The following ALDH2 variants were observed in gnomAD, a reference collection of about 807,000 sequenced individuals.
ALDH2 encodes aldehyde dehydrogenase, mitochondrial.
Under a neutral mutation model 59.6 loss-of-function variants are expected in ALDH2, and 44 were observed. The observed-to-expected ratio is 0.74, with a 90% CI of 0.58 to 0.95. ALDH2 has a LOEUF of 0.95. ALDH2 is among the 40% of genes least tolerant of loss of function. The pLI is 0.00. For missense variants in ALDH2, 570 were observed against 696.3 expected (o/e 0.82, Z 2.04); for synonymous variants, 291 against 284.0 (o/e 1.02, Z -0.25).
Position 111,768,865 on chromosome 12 carries a change from T to A in ALDH2, c.114+1769T>A, listed in dbSNP as rs563018559. ...CAGGTGCGGTGGCACATGCCTGTAG[T>A]CCCAGCTATATGGGAGGCCGAGGTG... On this transcript the variant is annotated intron_variant, in intron 1 of 12. Transcript: ENST00000261733. 1.3e-3 allele frequency among the ~76,000 whole-genome samples: 202 copies of A among 152,298 alleles called. 1 individual carries two copies. Among genetic ancestry groups the A allele is most frequent in the Non-Finnish European group, 1.9e-3 (130 of 68,020 alleles).
rs187939137 is a variant in ALDH2, at chr12:111,800,629, C to T, written c.1406+566C>T. Among the ~76,000 whole-genome samples the T allele has an allele frequency of 3.6e-3, 548 of 152,084 alleles. 13 individuals carry two copies. Among genetic ancestry groups the T allele is most frequent in the Admixed American group, 0.033 (502 of 15,264 alleles). ...TTTATTTTTTGTAGAGATGAGATCTCGCCATGTTGCCCAGGCTGGGCTATA... is the reference window on the plus strand; with the variant it reads ...TTTATTTTTTGTAGAGATGAGATCTTGCCATGTTGCCCAGGCTGGGCTATA... On this transcript the variant is annotated intron_variant, in intron 11 of 12. Transcript: ENST00000261733.
intron 8 of ALDH2, 81 bp downstream of exon 8, chr12:111,792,244 C>T: frequency 9.2e-7 from 1 of 1,086,716 alleles, no homozygotes; most frequent in Non-Finnish European, 1.4e-6. Flanking sequence ...TCCTGTCGCC[C>T]CCCCAGTGCC....
At chr12:111,794,182 G>A (rs372681553) in intron 9 of ALDH2, among the ~76,000 whole-genome samples, 1 of 151,924 alleles carries the variant, frequency 6.6e-6, no homozygotes, top group African/African-American at 2.4e-5. Context: ...ACCATGCCCA[G>A]CTAATTTTTG....
chr12:111,807,875 A>T (rs1333587509), intron 12 of ALDH2, among the ~76,000 whole-genome samples: 10 of 139,268 alleles, frequency 7.2e-5, no homozygotes, highest in Non-Finnish European at 1.1e-4. Context: ...AGGTGGCTCA[A>T]TTTTTTTTTT....
intron 1 of ALDH2, 129 bp downstream of exon 1, chr12:111,767,225 C>T: frequency 1.4e-6 from 1 of 701,202 alleles, no homozygotes; most frequent in South Asian, 2.1e-5. Flanking sequence ...AGAGGCTGAC[C>T]TGGAAGCACA....
chr12:111,790,637 C>T (rs1360741365), intron 6 of ALDH2, 75 bp downstream of exon 6: 3 of 1,586,330 alleles, frequency 1.9e-6, no homozygotes, highest in African/African-American at 1.3e-5. Context: ...TGAGAAGGGT[C>T]TCAGGGGTCC....
At chr12:111,767,244 C>T in intron 1 of ALDH2, 148 bp downstream of exon 1, 2 of 603,010 alleles carry the variant, frequency 3.3e-6, no homozygotes, top group South Asian at 4.5e-5. Context: ...CATCTGCCCC[C>T]TCCTCTCCTG....
rs185872513 is a variant in ALDH2 at position 111,775,681 on chromosome 12, C to A, written c.115-6237C>A. On this transcript the variant is annotated intron_variant, in intron 1 of 12. Transcript: ENST00000261733. The stretch of plus-strand genomic sequence containing the variant: ...AAGAGGAAGTGGGAGCTAGGACATC[C>A]CCCCACCACGCCCCGCCCAAGAGCG... 1.4e-3 allele frequency: 654 copies of A among 455,780 alleles called. 2 individuals carry two copies. The highest frequency in any genetic ancestry group is 1.5e-3 in the Non-Finnish European group (332 of 226,670). 28.2% of individuals were successfully genotyped at this position (455,780 alleles called of 1,614,324 possible).
chr12:111,775,058 C>A (rs1455928569), intron 1 of ALDH2, among the ~76,000 whole-genome samples: 1 of 152,176 alleles, frequency 6.6e-6, no homozygotes, highest in East Asian at 1.9e-4. Context: ...ATGGCCTGAC[C>A]GTGTTGAGGA....
intron 9 of ALDH2, 22 bp downstream of exon 9, chr12:111,792,804 GGTCTGGGT>G: frequency 6.5e-7 from 1 of 1,539,648 alleles, no homozygotes; most frequent in African/African-American, 1.4e-5. Flanking sequence ...AGTGCCGCAG[GGTCTGGGT>G]GTCTAGAGCC....
intron 12 of ALDH2, among the ~76,000 whole-genome samples, chr12:111,804,389 C>T (rs1182578461): frequency 6.6e-6 from 1 of 152,138 alleles, no homozygotes; most frequent in African/African-American, 2.4e-5. Flanking sequence ...GAGGGAGAGA[C>T]TTCAGGGGGC....
chr12:111,785,394 AG>A, intron 4 of ALDH2, 48 bp downstream of exon 4: 1 of 1,526,718 alleles, frequency 6.5e-7, no homozygotes. Context: ...GGAAAAGGGG[AG>A]GCAACGTTGT....
Position 111,788,597 on chromosome 12 carries a change from T to G in ALDH2, c.441-1226T>G, listed in dbSNP as rs181199019. ...TCTGGGGCTTGCAAAACACATGTCA[T>G]GTAGACTGTGTTTGTATAGATCTGG... On this transcript the variant is annotated intron_variant, in intron 4 of 12. Coordinates refer to ENST00000261733, the MANE Select transcript of ALDH2 (RefSeq NM_000690.4). Among the ~76,000 whole-genome samples, 183 of 152,308 alleles carry G rather than the reference T, an allele frequency of 1.2e-3. 3 individuals carry two copies. The highest frequency in any genetic ancestry group is 1.6e-4 in the Non-Finnish European group (11 of 68,022).
rs376601246 is a variant in ALDH2, at chr12:111,806,035, C to T, written c.1521+2062C>T. On this transcript the variant is annotated intron_variant, in intron 12 of 12. Transcript: ENST00000261733. ...AGACTCAAAAAAAAAAAAAACAGGC[C>T]GGGCGCAGTGGCTCACACCTGTAAT... 1.7e-4 allele frequency among the ~76,000 whole-genome samples: 24 copies of T among 144,642 alleles called. No individual in the cohort carries two copies. The East Asian group carries it at 3.5e-3, about 21-fold the overall frequency. The allele number at this position is 144,642 out of a possible 152,430, so 94.9% of individuals were successfully genotyped here.
intron 1 of ALDH2, among the ~76,000 whole-genome samples, chr12:111,772,204 A>T (rs990054733): frequency 8.5e-5 from 13 of 152,242 alleles, no homozygotes; most frequent in Non-Finnish European, 1.8e-4. Context: ...CCCTGCAGAT[A>T]ATCACTGTTA....
rs1207147089 is a variant in ALDH2 at position 111,814,853 on chromosome 12, G to T, written c.*5278G>T. 2 of 146,564 alleles carry T rather than the reference G, an allele frequency of 1.4e-5. No homozygotes were observed. The highest frequency in any genetic ancestry group is 4.3e-4 in the South Asian group (2 of 4,642). The allele number at this position is 146,564 out of a possible 1,614,324, so 9.1% of individuals were successfully genotyped here. On this transcript the variant is annotated 3_prime_UTR_variant, in exon 13 of 13. Transcript: ENST00000261733. ...CTGTCTCAAAAAAAAAAAAAAAAAA[G>T]TAAATGCTATGTTATGTGAATTTCA... is the stretch of plus-strand genomic sequence containing the variant.
intron 1 of ALDH2, 69 bp from the exon 2 acceptor site, chr12:111,781,849 C>A: frequency 5.7e-6 from 6 of 1,056,764 alleles, no homozygotes; most frequent in Non-Finnish European, 8.3e-6. Flanking sequence ...TTTTTTTTTT[C>A]CTTACAATAC....
intron 3 of ALDH2, among the ~76,000 whole-genome samples, chr12:111,783,580 G>A (rs1285001980): frequency 1.3e-5 from 2 of 152,142 alleles, no homozygotes; most frequent in Non-Finnish European, 2.9e-5. Flanking sequence ...CGACATCTCG[G>A]CTCACTGCAA....
At chr12:111,781,139 T>A (rs1003633181) in intron 1 of ALDH2, among the ~76,000 whole-genome samples, 6 of 151,944 alleles carry the variant, frequency 3.9e-5, no homozygotes, top group Non-Finnish European at 8.8e-5. Flanking sequence ...AAAAGAATAA[T>A]CTAATTTAGT....
Sources: allele counts gnomAD v4.1 joint callset (sites outside exome capture counted in the v4.1 genomes callset), GRCh38; gene constraint gnomAD v4.1.1; transcripts MANE v1.5; gene names NCBI Gene and HGNC (gene_info 2026-07-23, HGNC 2026-07-21).